Variants in CYP7B1 observed in about 807,000 individuals in gnomAD.
CYP7B1 encodes the protein cytochrome P450 family 7 subfamily B member 1.
A neutral mutation model predicts 42.7 loss-of-function variants in CYP7B1; 29 were observed. The observed-to-expected ratio is 0.68, with a 90% CI of 0.51 to 0.93. The LOEUF (loss-of-function observed/expected upper bound fraction) is 0.93, where lower values mean the gene tolerates loss of function less well. CYP7B1 is among the 40% of genes least tolerant of loss of function. The pLI is 0.00. For synonymous variants in CYP7B1, 235 were observed against 218.2 expected (o/e 1.08, Z -0.68); for missense variants, 655 against 600.5 (o/e 1.09, Z -0.95).
At chr8:64,643,524 G>A (rs117155840) in intron 1 of CYP7B1, among the ~76,000 whole-genome samples, 5,300 of 152,224 alleles carry the variant, frequency 0.035, 177 homozygotes, top group South Asian at 0.16. Flanking sequence ...TGACTGATTA[G>A]GGTGGTGATT....
intron 1 of CYP7B1, among the ~76,000 whole-genome samples, chr8:64,669,111 A>T (rs1248189612): frequency 6.6e-6 from 1 of 152,152 alleles, no homozygotes; most frequent in African/African-American, 2.4e-5. Flanking sequence ...ACAATGAACG[A>T]TCAGAGAAAA....
At chr8:64,647,837 C>G (rs1313363760) in intron 1 of CYP7B1, among the ~76,000 whole-genome samples, 2 of 152,076 alleles carry the variant, frequency 1.3e-5, no homozygotes, top group African/African-American at 4.8e-5. Flanking sequence ...CCAGGAACAC[C>G]CTTACAGACA....
chr8:64,606,243 T>TA (rs561179912), intron 4 of CYP7B1, among the ~76,000 whole-genome samples: 122 of 152,282 alleles, frequency 8.0e-4, no homozygotes, highest in Non-Finnish European at 7.1e-4. Context: ...AACTTTGGTT[T>TA]TGGAACATGG....
chr8:64,640,800 A>G (rs1805841045), intron 1 of CYP7B1, among the ~76,000 whole-genome samples: 1 of 152,148 alleles, frequency 6.6e-6, no homozygotes, highest in African/African-American at 2.4e-5. Flanking sequence ...AAATTAGGTA[A>G]ATGTCATGGT....
At chr8:64,687,397 G>A (rs924239265) in intron 1 of CYP7B1, among the ~76,000 whole-genome samples, 4 of 152,154 alleles carry the variant, frequency 2.6e-5, no homozygotes, top group Non-Finnish European at 4.4e-5. Context: ...AAGTAAATTA[G>A]TGGTAACCTA....
intron 1 of CYP7B1, among the ~76,000 whole-genome samples, chr8:64,727,029 G>A (rs1472341945): frequency 1.3e-5 from 2 of 152,138 alleles, no homozygotes; most frequent in African/African-American, 2.4e-5. Context: ...AACACAAATA[G>A]GTCTAATTCA....
chr8:64,760,822 C>T (rs574398892), intron 1 of CYP7B1, among the ~76,000 whole-genome samples: 8 of 151,988 alleles, frequency 5.3e-5, no homozygotes, highest in African/African-American at 1.9e-4. Context: ...ATAGAGCTAC[C>T]ATATGATCCA....
chr8:64,657,249 A>C (rs1806134335), intron 1 of CYP7B1, among the ~76,000 whole-genome samples: 1 of 152,174 alleles, frequency 6.6e-6, no homozygotes. Context: ...TGTGAGGCCT[A>C]GAACAGAAAC....
At chr8:64,662,001 C>A (rs1429004844) in intron 1 of CYP7B1, among the ~76,000 whole-genome samples, 1 of 152,024 alleles carries the variant, frequency 6.6e-6, no homozygotes, top group Non-Finnish European at 1.5e-5. Flanking sequence ...TGCCCTCCAG[C>A]CCATCTCACA....
chr8:64,752,395 C>CGTGTGT lies in CYP7B1; in HGVS notation c.122+46065_122+46070dup, dbSNP rs5891973. 4.3e-3 allele frequency among the ~76,000 whole-genome samples: 634 copies of CGTGTGT among 148,278 alleles called. 7 individuals carry two copies. Among genetic ancestry groups the CGTGTGT allele is most frequent in the African/African-American group, 0.014 (554 of 40,878 alleles). On this transcript the variant is annotated intron_variant, in intron 1 of 5. Transcript: ENST00000310193. Reference sequence around the variant, plus strand: ...AATTGTGTGTGTGTATGTGCATGTGCGTGTGTGTGTGTGTGTGTGTGTGTG... The same window carrying CGTGTGT: ...AATTGTGTGTGTGTATGTGCATGTGCGTGTGTGTGTGTGTGTGTGTGTGTGTGTGTG...
At chr8:64,788,078 A>C (rs1019450073) in intron 1 of CYP7B1, among the ~76,000 whole-genome samples, 1 of 152,200 alleles carries the variant, frequency 6.6e-6, no homozygotes, top group African/African-American at 2.4e-5. Flanking sequence ...ACAATTCAAG[A>C]TGAGATTTGG....
intron 1 of CYP7B1, among the ~76,000 whole-genome samples, chr8:64,639,420 G>C (rs550708581): frequency 1.3e-5 from 2 of 152,040 alleles, no homozygotes; most frequent in Non-Finnish European, 2.9e-5. Context: ...TATAACTATA[G>C]GGAGACAAAC....
intron 1 of CYP7B1, among the ~76,000 whole-genome samples, chr8:64,741,648 T>C (rs1033348518): frequency 2.0e-5 from 3 of 152,162 alleles, no homozygotes; most frequent in Non-Finnish European, 4.4e-5. Context: ...TAATCAATTA[T>C]AGCAAGGTTA....
chr8:64,606,261 T>G (rs1000010884), intron 4 of CYP7B1, among the ~76,000 whole-genome samples: 2 of 152,176 alleles, frequency 1.3e-5, no homozygotes, highest in South Asian at 2.1e-4. Flanking sequence ...TGGGCTCTAC[T>G]GCAGATAGCC....
chr8:64,792,674 C>T (rs1053560906), intron 1 of CYP7B1, among the ~76,000 whole-genome samples: 1 of 152,130 alleles, frequency 6.6e-6, no homozygotes, highest in South Asian at 2.1e-4. Flanking sequence ...CTGTGACACA[C>T]AGGGGAGGCC....
chr8:64,721,670 C>T (rs1807238432), intron 1 of CYP7B1, among the ~76,000 whole-genome samples: 2 of 152,018 alleles, frequency 1.3e-5, no homozygotes, highest in Non-Finnish European at 2.9e-5. Context: ...TTACAGCCAT[C>T]CTGGATTCTA....
chr8:64,761,716 G>C (rs988708102), intron 1 of CYP7B1, among the ~76,000 whole-genome samples: 17 of 152,144 alleles, frequency 1.1e-4, no homozygotes, highest in African/African-American at 4.1e-4. Flanking sequence ...TTAGTGGCAT[G>C]TGTTTTACAC....
At chr8:64,790,608 A>G (rs971708568) in intron 1 of CYP7B1, among the ~76,000 whole-genome samples, 4 of 152,352 alleles carry the variant, frequency 2.6e-5, no homozygotes, top group Admixed American at 1.3e-4. Context: ...TCAACTTTCC[A>G]TAAGGTCACA....
chr8:64,710,983 T>A (rs1807070951), intron 1 of CYP7B1, among the ~76,000 whole-genome samples: 1 of 152,158 alleles, frequency 6.6e-6, no homozygotes, highest in Non-Finnish European at 1.5e-5. Context: ...CACATACTTC[T>A]CACCTTAAGA....
Sources: allele counts gnomAD v4.1 joint callset (sites outside exome capture counted in the v4.1 genomes callset), GRCh38; gene constraint gnomAD v4.1.1; transcripts MANE v1.5; gene names NCBI Gene and HGNC (gene_info 2026-07-23, HGNC 2026-07-21).